Variants in RFTN1 observed in about 807,000 individuals in gnomAD.
RFTN1 encodes raftlin.
RFTN1 carries 26 observed loss-of-function variants against 46.5 expected under a neutral mutation model. That is an observed-to-expected ratio of 0.56 (90% CI 0.41 to 0.78). RFTN1 has a LOEUF of 0.78. RFTN1 is among the 30% of genes least tolerant of loss of function. The pLI is 0.00. For missense variants in RFTN1, 693 were observed against 718.7 expected (o/e 0.96, Z 0.41); for synonymous variants, 261 against 284.2 (o/e 0.92, Z 0.82).
At position 16,499,383 on chromosome 3, in the gene RFTN1, T is replaced by TG. The variant is rs1210268947; in HGVS notation, c.-8-5507dup. Among the ~76,000 whole-genome samples, 3 of 152,204 alleles carry TG rather than the reference T, an allele frequency of 2.0e-5. No homozygotes were observed. The highest frequency in any genetic ancestry group is 4.4e-5 in the Non-Finnish European group (3 of 68,024). On this transcript the variant is annotated intron_variant, in intron 1 of 9. Transcript: ENST00000334133. The surrounding 1 kb of genome is among the most constrained non-coding windows in gnomAD (Gnocchi z 4.9). Reference sequence around the variant, plus strand: ...TTGAGAGCATTTACTCCCTGACTTTTGGGGTGCCTGCTCGTGGAATCCAGC... The same window carrying TG: ...TTGAGAGCATTTACTCCCTGACTTTTGGGGGTGCCTGCTCGTGGAATCCAGC...
intron 4 of RFTN1, among the ~76,000 whole-genome samples, chr3:16,398,228 CAG>C (rs1160387384): frequency 8.1e-6 from 1 of 123,512 alleles, no homozygotes; most frequent in Non-Finnish European, 1.6e-5. Context: ...GCCTGGGTGA[CAG>C]AGAAAGACTG....
Position 16,370,415 on chromosome 3 carries a change from T to C in RFTN1, c.827-136A>G. On this transcript the variant is annotated intron_variant, in intron 5 of 9. Transcript: ENST00000334133. The surrounding 1 kb of genome is among the most constrained non-coding windows in gnomAD (Gnocchi z 5.5). ...ATGCTGAAATCTCTGTGAGGCTGTA[T>C]TGTTGCCAGATAATAAAGCCTCATT... 3.6e-6 allele frequency: 3 copies of C among 838,328 alleles called. No individual in the cohort carries two copies. Among genetic ancestry groups the C allele is most frequent in the East Asian group, 2.4e-5 (1 of 40,994 alleles). The allele number at this position is 838,328 out of a possible 1,614,324, so 51.9% of individuals were successfully genotyped here.
At chr3:16,508,705 C>A (rs1174869280) in intron 1 of RFTN1, among the ~76,000 whole-genome samples, 1 of 151,988 alleles carries the variant, frequency 6.6e-6, no homozygotes, top group Non-Finnish European at 1.5e-5. Context: ...CGCACACACA[C>A]ACACACACAC....
intron 2 of RFTN1, among the ~76,000 whole-genome samples, chr3:16,470,729 C>T (rs1003427054): frequency 2.0e-5 from 3 of 152,154 alleles, no homozygotes; most frequent in African/African-American, 7.2e-5. Context: ...AGCAAACAAA[C>T]AAAATCAACA....
rs925092979 is a variant in RFTN1 at position 16,450,467 on chromosome 3, C to T, written c.146-16430G>A. Among the ~76,000 whole-genome samples the T allele has an allele frequency of 6.6e-6, 1 of 152,210 alleles. No homozygotes were observed. The highest frequency in any genetic ancestry group is 1.5e-5 in the Non-Finnish European group (1 of 68,028). On this transcript the variant is annotated intron_variant, in intron 2 of 9. Coordinates refer to ENST00000334133, the MANE Select transcript of RFTN1 (RefSeq NM_015150.2). This position sits in a 1 kb window ranked among gnomAD's most constrained non-coding sequence, Gnocchi z 4.6. ...AGGCCCATCCAAGGGCTCTCTCCCA[C>T]TGCACCATGATGCTGCATGACCTGA...
chr3:16,483,190 AAAAC>A lies in RFTN1; in HGVS notation c.145+10531_145+10534del, dbSNP rs1055346035. ...AATAAATACCTCATTAAGGAAAGGC[AAAAC>A]AAACACTTCAGAGTACTTGAGGCTC... On this transcript the variant is annotated intron_variant, in intron 2 of 9. Transcript: ENST00000334133. This position sits in a 1 kb window ranked among gnomAD's most constrained non-coding sequence, Gnocchi z 4.8. 1.3e-5 allele frequency among the ~76,000 whole-genome samples: 2 copies of A among 152,244 alleles called. No homozygotes were observed. The highest frequency in any genetic ancestry group is 4.8e-5 in the African/African-American group (2 of 41,460).
rs188685030 is a variant in RFTN1, at chr3:16,338,597, A to C, written c.1147-11721T>G. The stretch of plus-strand genomic sequence containing the variant: ...CAATTAAAAAAGAAACATTTTCTCC[A>C]TCCAGAGACTTGCCAGGTCCCTCCT... On this transcript the variant is annotated intron_variant, in intron 7 of 9. Coordinates refer to ENST00000334133, the MANE Select transcript of RFTN1 (RefSeq NM_015150.2). This position sits in a 1 kb window ranked among gnomAD's most constrained non-coding sequence, Gnocchi z 5.3. Among the ~76,000 whole-genome samples, 18 of 152,328 alleles carry C rather than the reference A, an allele frequency of 1.2e-4. No individual in the cohort carries two copies. The highest frequency in any genetic ancestry group is 2.4e-4 in the Non-Finnish European group (16 of 68,026).
In RFTN1 at chr3:16,421,602, G is replaced by A. The variant is rs937321726; in HGVS notation, c.333-12119C>T. 5.3e-5 allele frequency among the ~76,000 whole-genome samples: 8 copies of A among 151,842 alleles called. No individual in the cohort carries two copies. Among genetic ancestry groups the A allele is most frequent in the Non-Finnish European group, 7.4e-5 (5 of 67,944 alleles). On this transcript the variant is annotated intron_variant, in intron 3 of 9. Coordinates refer to ENST00000334133, the MANE Select transcript of RFTN1 (RefSeq NM_015150.2). The surrounding 1 kb of genome is among the most constrained non-coding windows in gnomAD (Gnocchi z 4.6). ...CTTGACTTCGTGATCCGCCCGCCTCGGCCTCCCAAAGTGCTGGGATTACAG... is the reference window on the plus strand; with the variant it reads ...CTTGACTTCGTGATCCGCCCGCCTCAGCCTCCCAAAGTGCTGGGATTACAG...
At chr3:16,363,815 C>G (rs1467454141) in intron 6 of RFTN1, among the ~76,000 whole-genome samples, 1 of 151,774 alleles carries the variant, frequency 6.6e-6, no homozygotes, top group East Asian at 1.9e-4. Context: ...TTCTCTCCAT[C>G]AGAGGTCGCA....
chr3:16,378,868 C>G (rs559950405), intron 4 of RFTN1, among the ~76,000 whole-genome samples: 258 of 152,320 alleles, frequency 1.7e-3, no homozygotes, highest in Non-Finnish European at 3.2e-3. Flanking sequence ...TGAACACCCA[C>G]CTGCAGTACC....
rs561543846 is a variant in RFTN1, at chr3:16,481,375, T to C, written c.145+12350A>G. Among the ~76,000 whole-genome samples the C allele has an allele frequency of 1.6e-3, 242 of 152,328 alleles. No individual in the cohort carries two copies. Among genetic ancestry groups the C allele is most frequent in the African/African-American group, 5.6e-3 (231 of 41,576 alleles). ...GAGCATATTTATCTACTTTGAGACA[T>C]GTTTTATGGGAACCGATTTCCTTAT... On this transcript the variant is annotated intron_variant, in intron 2 of 9. Transcript: ENST00000334133. This position sits in a 1 kb window ranked among gnomAD's most constrained non-coding sequence, Gnocchi z 5.1.
At chr3:16,340,204 C>T (rs2071222553) in intron 7 of RFTN1, among the ~76,000 whole-genome samples, 1 of 152,216 alleles carries the variant, frequency 6.6e-6, no homozygotes, top group Non-Finnish European at 1.5e-5. Context: ...CATCTCTTGA[C>T]TCTGAGCTGG....
chr3:16,420,514 G>A lies in RFTN1; in HGVS notation c.333-11031C>T, dbSNP rs1022248105. Among the ~76,000 whole-genome samples the A allele has an allele frequency of 2.6e-5, 4 of 152,196 alleles. No homozygotes were observed. The South Asian group carries it at 6.2e-4, about 24-fold the overall frequency. On this transcript the variant is annotated intron_variant, in intron 3 of 9. Transcript: ENST00000334133. ...GACCTGTCCAGTTAGGTTACAAGAA[G>A]CCTCTTCTCTACGTGCATTGAATGC...
At chr3:16,395,593 G>GC (rs1461284944) in intron 4 of RFTN1, among the ~76,000 whole-genome samples, 2 of 152,088 alleles carry the variant, frequency 1.3e-5, no homozygotes, top group Admixed American at 1.3e-4. Context: ...TTACAGACAT[G>GC]CACCACCATG....
chr3:16,365,903 A>T (rs759532107), intron 6 of RFTN1, among the ~76,000 whole-genome samples: 3 of 152,250 alleles, frequency 2.0e-5, no homozygotes, highest in Admixed American at 6.5e-5. Flanking sequence ...CTAGGCAAAA[A>T]GAGAAGTGAG....
At chr3:16,414,033 C>T (rs990534983) in intron 3 of RFTN1, among the ~76,000 whole-genome samples, 34 of 152,328 alleles carry the variant, frequency 2.2e-4, no homozygotes, top group African/African-American at 7.5e-4. Flanking sequence ...ACAAATCCTA[C>T]CTGCTACTGA....
rs1000008174 is a variant in RFTN1, at chr3:16,474,307, C to A, written c.145+19418G>T. 1.3e-5 allele frequency among the ~76,000 whole-genome samples: 2 copies of A among 152,190 alleles called. No individual in the cohort carries two copies. The highest frequency in any genetic ancestry group is 2.9e-5 in the Non-Finnish European group (2 of 68,040). On this transcript the variant is annotated intron_variant, in intron 2 of 9. Transcript: ENST00000334133. The surrounding 1 kb of genome is among the most constrained non-coding windows in gnomAD (Gnocchi z 5.5). ...CAAATGAGAGAGATGGGTCTCCCAG[C>A]AAATCTGCAGGCCTCAGCCCAGAGC...
chr3:16,406,548 C>T (rs1042782140), intron 4 of RFTN1, among the ~76,000 whole-genome samples: 1 of 152,232 alleles, frequency 6.6e-6, no homozygotes, highest in Non-Finnish European at 1.5e-5. Context: ...GGTTTACAAG[C>T]TGTCCAGTCT....
At chr3:16,508,505 T>C (rs1447428675) in intron 1 of RFTN1, among the ~76,000 whole-genome samples, 2 of 152,202 alleles carry the variant, frequency 1.3e-5, no homozygotes, top group African/African-American at 4.8e-5. Context: ...TGAATTCTTA[T>C]TTGGAGAGCA....
Sources: gnomAD v4.1 joint callset for allele counts (sites outside exome capture counted in the v4.1 genomes callset) on GRCh38, gnomAD v4.1.1 for gene constraint, Gnocchi (gnomAD v3.1) non-coding constraint, MANE v1.5 for transcripts, NCBI Gene and HGNC (gene_info 2026-07-23, HGNC 2026-07-21) for gene names.